The following UGCG variants were observed in gnomAD, a reference collection of about 807,000 sequenced individuals.
The protein encoded by UGCG is UDP-glucose ceramide glucosyltransferase.
In UGCG, 10 loss-of-function variants were observed where a neutral mutation model predicts 49.5. The observed-to-expected ratio is 0.20, with a 90% CI of 0.12 to 0.34. The LOEUF (loss-of-function observed/expected upper bound fraction) is 0.34, where lower values mean the gene tolerates loss of function less well. UGCG is among the 10% of genes least tolerant of loss of function. The pLI, the probability that UGCG is intolerant of heterozygous loss-of-function variation, is 1.00. For missense variants in UGCG, 312 were observed against 483.7 expected, an observed-to-expected ratio of 0.65 and a Z score of 3.33; for synonymous variants, 182 against 158.2, an observed-to-expected ratio of 1.15 and a Z score of -1.13.
chr9:111,922,794 A>G (rs1838249685), intron 2 of UGCG, 55 bp from the exon 3 acceptor site: 3 of 1,300,526 alleles, frequency 2.3e-6, no homozygotes, highest in East Asian at 2.4e-5. Flanking sequence ...AATACATGCT[A>G]GTAAGTGCTT....
intron 1 of UGCG, among the ~76,000 whole-genome samples, chr9:111,900,973 G>A (rs1407194605): frequency 2.0e-5 from 3 of 151,992 alleles, no homozygotes; most frequent in African/African-American, 7.3e-5. Flanking sequence ...AGCCTCCCAA[G>A]TAGCTGGGAC....
chr9:111,897,160 G>C lies in UGCG; in HGVS notation c.-56G>C. ...CGCCCACCCTGTCCTCCTCCTGCGGGAGCGTTGTCCGTGTTGGCGGCCGCA... is the reference window on the plus strand; with the variant it reads ...CGCCCACCCTGTCCTCCTCCTGCGGCAGCGTTGTCCGTGTTGGCGGCCGCA... On this transcript the variant is annotated 5_prime_UTR_variant, in exon 1 of 9. Coordinates refer to ENST00000374279, the MANE Select transcript of UGCG (RefSeq NM_003358.3). The C allele has an allele frequency of 6.7e-7, 1 of 1,493,152 alleles. No homozygotes were observed. The highest frequency in any genetic ancestry group is 9.0e-7 in the Non-Finnish European group (1 of 1,110,542). The allele number at this position is 1,493,152 out of a possible 1,614,324, so 92.5% of individuals were successfully genotyped here.
chr9:111,934,705 C>T lies in UGCG; in HGVS notation c.*1708C>T, dbSNP rs1838485900. The T allele has an allele frequency of 6.9e-6, 1 of 144,598 alleles. No individual in the cohort carries two copies. The allele number at this position is 144,598 out of a possible 1,614,324, so 9.0% of individuals were successfully genotyped here. A position where few individuals can be genotyped will look rare whatever the true frequency, so the allele number is the denominator to read the frequency against. ...TTAAGCTTTTCTCTGGGCCAAACTG[C>T]TTCATCCTTTTTTCTTTCTTTTTTT... On this transcript the variant is annotated 3_prime_UTR_variant, in exon 9 of 9. Coordinates refer to ENST00000374279, the MANE Select transcript of UGCG (RefSeq NM_003358.3).
At chr9:111,897,605 T>C (rs1415085732) in intron 1 of UGCG, among the ~76,000 whole-genome samples, 1 of 152,110 alleles carries the variant, frequency 6.6e-6, no homozygotes, top group East Asian at 1.9e-4. Flanking sequence ...TTGGTTTGAT[T>C]GTGCTGGGGA....
rs900569008 is a variant in UGCG, at chr9:111,933,603, A to T, written c.*606A>T. The T allele has an allele frequency of 3.3e-5, 5 of 152,316 alleles. No homozygotes were observed. The highest frequency in any genetic ancestry group is 3.3e-4 in the Admixed American group (5 of 15,304). The allele number at this position is 152,316 out of a possible 1,614,324, so 9.4% of individuals were successfully genotyped here. ...AACAAACAGAAAAACTTAAAAAAAA[A>T]TGATATAAGAGCTGGAGTCTAGTAT... On this transcript the variant is annotated 3_prime_UTR_variant, in exon 9 of 9. Coordinates refer to ENST00000374279, the MANE Select transcript of UGCG (RefSeq NM_003358.3).
intron 1 of UGCG, among the ~76,000 whole-genome samples, chr9:111,908,987 C>T (rs56226338): frequency 0.11 from 16,649 of 152,162 alleles, 1,231 homozygotes; most frequent in African/African-American, 0.2. Flanking sequence ...GGTGCGATCT[C>T]GGCTCACTGC....
At chr9:111,922,623 TCTTC>T (rs747875319) in intron 2 of UGCG, among the ~76,000 whole-genome samples, 8 of 152,200 alleles carry the variant, frequency 5.3e-5, no homozygotes, top group Non-Finnish European at 1.2e-4. Context: ...ACTGCCAGTC[TCTTC>T]CTTATTTATT....
chr9:111,904,113 C>T (rs527756535), intron 1 of UGCG, among the ~76,000 whole-genome samples: 1 of 152,314 alleles, frequency 6.6e-6, no homozygotes, highest in African/African-American at 2.4e-5. Flanking sequence ...GTGTCCAGCA[C>T]CTGCCACCTC....
chr9:111,919,898 ACTTT>A (rs1444795519), intron 2 of UGCG, among the ~76,000 whole-genome samples: 1 of 152,092 alleles, frequency 6.6e-6, no homozygotes, highest in Non-Finnish European at 1.5e-5. Flanking sequence ...GCTCGTTGTT[ACTTT>A]TGCCGTTTGA....
At chr9:111,924,268 A>G (rs999319429) in intron 3 of UGCG, among the ~76,000 whole-genome samples, 4 of 152,234 alleles carry the variant, frequency 2.6e-5, no homozygotes, top group African/African-American at 9.6e-5. Context: ...TTTGAAATAT[A>G]TATATATGTA....
At chr9:111,897,369 G>T in intron 1 of UGCG, 56 bp downstream of exon 1, 1 of 1,417,544 alleles carries the variant, frequency 7.1e-7, no homozygotes. Flanking sequence ...TCGGAGACAG[G>T]CGAGAATGGG....
At chr9:111,902,264 A>G (rs1334110022) in intron 1 of UGCG, among the ~76,000 whole-genome samples, 4 of 152,230 alleles carry the variant, frequency 2.6e-5, no homozygotes, top group Non-Finnish European at 4.4e-5. Context: ...TCTATAGTGT[A>G]GTAAGCCCAT....
intron 1 of UGCG, among the ~76,000 whole-genome samples, chr9:111,907,710 C>T (rs1218027860): frequency 7.3e-5 from 11 of 151,440 alleles, no homozygotes; most frequent in Non-Finnish European, 5.9e-5. Context: ...CTGCAACCTC[C>T]GCCTCCCGGA....
chr9:111,924,040 G>A (rs894611655), intron 3 of UGCG, among the ~76,000 whole-genome samples: 8 of 151,982 alleles, frequency 5.3e-5, no homozygotes, highest in East Asian at 1.9e-4. Context: ...CACCCCCCTC[G>A]ACCTCCCAAA....
At chr9:111,923,593 T>A (rs1189791471) in intron 3 of UGCG, among the ~76,000 whole-genome samples, 1 of 152,152 alleles carries the variant, frequency 6.6e-6, no homozygotes, top group Admixed American at 6.5e-5. Flanking sequence ...ACATGTGCTA[T>A]CTTAAATTAT....
chr9:111,897,300 G>T lies in UGCG; in HGVS notation c.85G>T (p.Ala29Ser), dbSNP rs1241581859. The stretch of plus-strand genomic sequence containing the variant: ...GGTGCTGTGGCTGATGCATTTCATG[G>T]CTATCATCTACACGTGAGTGAGGGA... ...FLVLWLMHFMAIIYTRLHLNK... is the reference protein window; with the variant it reads ...FLVLWLMHFMSIIYTRLHLNK... Residue 29 changes from alanine to serine, a missense_variant, in exon 1 of 9, where the codon GCT (alanine) becomes TCT (serine). Physicochemically the swap from Ala to Ser is moderately conservative, Grantham distance 99. Transcript: ENST00000374279. The T allele has an allele frequency of 2.6e-6, 4 of 1,557,320 alleles. No individual in the cohort carries two copies. In the Admixed American group the frequency reaches 7.7e-5, roughly 30 times the overall value.
At chr9:111,928,175 C>A (rs967029174) in intron 5 of UGCG, among the ~76,000 whole-genome samples, 2 of 152,186 alleles carry the variant, frequency 1.3e-5, no homozygotes, top group Non-Finnish European at 2.9e-5. Flanking sequence ...TGGGAACTTG[C>A]ATCTGGCCTT....
rs754190396 is a variant in UGCG at position 111,932,116 on chromosome 9, A to T, written c.825-54A>T. On this transcript the variant is annotated intron_variant, in intron 7 of 8. Transcript: ENST00000374279. ...GATTATTTGAGGGAAAAAAAAAAGG[A>T]TTTGTCTTGTAGCCAGGATATTGTT... 22 of 1,521,938 alleles carry T rather than the reference A, an allele frequency of 1.4e-5. 1 individual carries two copies. Among genetic ancestry groups the T allele is most frequent in the South Asian group, 3.7e-5 (3 of 81,136 alleles). 94.3% of individuals were successfully genotyped at this position (1,521,938 alleles called of 1,614,324 possible). A position where few individuals can be genotyped will look rare whatever the true frequency, so the allele number is the denominator to read the frequency against.
chr9:111,912,028 G>GAATATA (rs1838018670), intron 1 of UGCG, among the ~76,000 whole-genome samples: 1 of 29,522 alleles, frequency 3.4e-5, no homozygotes, highest in African/African-American at 2.4e-4. Context: ...ATATTCAACA[G>GAATATA]GATATATATA....
Sources: gnomAD v4.1 joint callset for allele counts (sites outside exome capture counted in the v4.1 genomes callset) on GRCh38, gnomAD v4.1.1 for gene constraint, MANE v1.5 for transcripts, NCBI Gene and HGNC (gene_info 2026-07-23, HGNC 2026-07-21) for gene names.